The following LGALS9B variants were observed in gnomAD, a reference collection of about 807,000 sequenced individuals.
LGALS9B encodes the protein galectin-9B.
In LGALS9B, 8 loss-of-function variants were observed where a neutral mutation model predicts 35.9. The ratio of observed to expected loss-of-function variants is 0.22; its 90% CI spans 0.13 to 0.40. The LOEUF (loss-of-function observed/expected upper bound fraction) is 0.40. LGALS9B is among the 10% of genes least tolerant of loss of function. The probability of loss-of-function intolerance (pLI) is 1.00; values close to 1 mark genes in which losing one functional copy is unlikely to be tolerated. For missense variants in LGALS9B, 101 were observed against 397.9 expected, an observed-to-expected ratio of 0.25 and a Z score of 6.35; for synonymous variants, 42 against 148.6, an observed-to-expected ratio of 0.28 and a Z score of 5.22.
At chr17:20,465,000 G>T (rs994503353) in intron 1 of LGALS9B, among the ~76,000 whole-genome samples, 3 of 152,246 alleles carry the variant, frequency 2.0e-5, no homozygotes, top group Non-Finnish European at 4.4e-5. Context: ...GGCCTTGACA[G>T]TGCAGCTCTT....
rs556581207 is a variant in LGALS9B, at chr17:20,464,039, G to C, written c.39+3393C>G. ...AGGATCAAAGTCAGAGGTAAGAGAT[G>C]TGACAACAGAAGCAAGAAGCTGGTT... On this transcript the variant is annotated intron_variant, in intron 1 of 10. Transcript: ENST00000423676. 2.7e-5 allele frequency among the ~76,000 whole-genome samples: 4 copies of C among 150,892 alleles called. No individual in the cohort carries two copies. In the South Asian group the frequency reaches 8.6e-4, roughly 32 times the overall value.
At chr17:20,455,808 A>AT (rs1465390427) in intron 4 of LGALS9B, among the ~76,000 whole-genome samples, 1 of 148,792 alleles carries the variant, frequency 6.7e-6, no homozygotes, top group Non-Finnish European at 1.5e-5. Context: ...TAATCTTCCC[A>AT]TTTTTCACGT....
At chr17:20,465,564 C>T (rs1362141063) in intron 1 of LGALS9B, among the ~76,000 whole-genome samples, 1 of 66,954 alleles carries the variant, frequency 1.5e-5, no homozygotes, top group Non-Finnish European at 2.9e-5. Context: ...GGGATTTGAA[C>T]CCCAGCACCC....
chr17:20,467,392 C>G, intron 1 of LGALS9B, 40 bp downstream of exon 1: 1 of 1,155,000 alleles, frequency 8.7e-7, no homozygotes, highest in South Asian at 1.4e-5. Context: ...CTGTGTCCCC[C>G]TGGCTGAGGC....
Position 20,467,515 on chromosome 17 carries a change from C to A in LGALS9B, c.-45G>T, listed in dbSNP as rs568286007. ...ACCGCTGCCTTTCACACCTGCCAGG[C>A]AGTCCTTTGCAGAAGGAATGACTTA... On this transcript the variant is annotated 5_prime_UTR_variant, in exon 1 of 11. Transcript: ENST00000423676. 39 of 498,402 alleles carry A rather than the reference C, an allele frequency of 7.8e-5. 1 individual carries two copies. In the South Asian group the frequency reaches 1.3e-3, roughly 17 times the overall value. 30.9% of individuals were successfully genotyped at this position (498,402 alleles called of 1,614,324 possible). A position where few individuals can be genotyped will look rare whatever the true frequency, so the allele number is the denominator to read the frequency against.
intron 1 of LGALS9B, among the ~76,000 whole-genome samples, chr17:20,461,179 T>A (rs111970388): frequency 0.12 from 17,518 of 150,848 alleles, 926 homozygotes; most frequent in Admixed American, 0.14. Flanking sequence ...TGGTGAGGCA[T>A]GCATCGTTTT....
At chr17:20,458,981 A>C (rs1206189580) in intron 2 of LGALS9B, among the ~76,000 whole-genome samples, 2 of 151,906 alleles carry the variant, frequency 1.3e-5, no homozygotes, top group Non-Finnish European at 2.9e-5. Flanking sequence ...GCTAGACATC[A>C]TGATGCATGT....
At chr17:20,458,579 T>G (rs555382666) in intron 2 of LGALS9B, among the ~76,000 whole-genome samples, 195 bp from the exon 3 acceptor site, 2 of 151,376 alleles carry the variant, frequency 1.3e-5, no homozygotes, top group East Asian at 3.9e-4. Context: ...TATTGCATTT[T>G]GCCTTTACAG....
intron 1 of LGALS9B, among the ~76,000 whole-genome samples, chr17:20,467,146 C>T (rs2042768551): frequency 1.4e-5 from 2 of 143,704 alleles, no homozygotes; most frequent in South Asian, 4.6e-4. Flanking sequence ...TTTACACAAA[C>T]CATCCCACTC....
At chr17:20,464,832 A>G (rs1389572883) in intron 1 of LGALS9B, among the ~76,000 whole-genome samples, 1 of 152,056 alleles carries the variant, frequency 6.6e-6, no homozygotes, top group African/African-American at 2.4e-5. Flanking sequence ...ACCACCCGAC[A>G]GTGTTCTGGA....
At chr17:20,452,474 AG>A (rs2142410636) in intron 7 of LGALS9B, 79 bp from the exon 8 acceptor site, 1 of 160,538 alleles carries the variant, frequency 6.2e-6, no homozygotes, top group South Asian at 3.2e-5. Context: ...CGCATTCTAG[AG>A]GGGGCTCCAC....
intron 1 of LGALS9B, among the ~76,000 whole-genome samples, chr17:20,465,823 A>C (rs1470552453): frequency 6.8e-6 from 1 of 147,742 alleles, no homozygotes; most frequent in Non-Finnish European, 1.5e-5. Context: ...CGGCATGTGG[A>C]GAAAGCGTGG....
intron 9 of LGALS9B, 32 bp from the exon 10 acceptor site, chr17:20,451,675 C>T: frequency 6.3e-7 from 1 of 1,585,602 alleles, no homozygotes; most frequent in Non-Finnish European, 8.6e-7. Context: ...GACCTTTGTC[C>T]ACTGAGTTCT....
In LGALS9B at chr17:20,458,387, AG is replaced by A; in HGVS notation, c.132-4del. ...CCGTCTGAAAGTCCACAGCAAACCT[AG>A]GCCCAGGAAAAGCAAATAGTCTTCT... On this transcript the variant is annotated splice_region_variant and splice_polypyrimidine_tract_variant and intron_variant, in intron 2 of 10. Transcript: ENST00000423676. The A allele has an allele frequency of 6.2e-7, 1 of 1,608,442 alleles. No homozygotes were observed. Among genetic ancestry groups the A allele is most frequent in the Non-Finnish European group, 8.5e-7 (1 of 1,177,398 alleles).
intron 1 of LGALS9B, among the ~76,000 whole-genome samples, chr17:20,464,837 T>C (rs2042750378): frequency 6.6e-6 from 1 of 152,076 alleles, no homozygotes; most frequent in African/African-American, 2.4e-5. Context: ...CCGACAGTGT[T>C]CTGGAGAGGA....
chr17:20,464,094 T>TTTTTG (rs2042744262), intron 1 of LGALS9B, among the ~76,000 whole-genome samples: 1 of 75,688 alleles, frequency 1.3e-5, no homozygotes, highest in African/African-American at 1.3e-4. Flanking sequence ...GTTTGTTGTG[T>TTTTTG]TTTTTTTTTT....
At chr17:20,466,092 C>A (rs1215398556) in intron 1 of LGALS9B, among the ~76,000 whole-genome samples, 1 of 151,978 alleles carries the variant, frequency 6.6e-6, no homozygotes, top group African/African-American at 2.4e-5. Flanking sequence ...CTCTGGGATC[C>A]CCTCTCTGGC....
At chr17:20,451,391 T>C (rs1682192) in intron 10 of LGALS9B, 90 bp downstream of exon 10, 414,482 of 575,518 alleles carry the variant, frequency 0.72, 178,531 homozygotes, top group African/African-American at 0.92. Context: ...GGCATCAGCT[T>C]CCATCCTGTT....
chr17:20,467,344 T>C lies in LGALS9B; in HGVS notation c.39+88A>G, dbSNP rs2042770088. ...TCTTTGGGATGCCCCCACCCCTGTC[T>C]CCTGCCACCCAGGAGTTGCTTCCTC... is the stretch of plus-strand genomic sequence containing the variant. On this transcript the variant is annotated intron_variant, in intron 1 of 10. Coordinates refer to ENST00000423676, the MANE Select transcript of LGALS9B (RefSeq NM_001367292.2). 7.0e-6 allele frequency: 9 copies of C among 1,289,500 alleles called. No homozygotes were observed. In the South Asian group the frequency reaches 1.1e-4, roughly 15 times the overall value. 79.9% of individuals were successfully genotyped at this position (1,289,500 alleles called of 1,614,324 possible).
Sources: allele counts gnomAD v4.1 joint callset (sites outside exome capture counted in the v4.1 genomes callset), GRCh38; gene constraint gnomAD v4.1.1; transcripts MANE v1.5; gene names NCBI Gene and HGNC (gene_info 2026-07-23, HGNC 2026-07-21).